The following MCTP2 variants were observed in gnomAD, a reference collection of about 807,000 sequenced individuals.
MCTP2 encodes the protein multiple C2 and transmembrane domain-containing protein 2.
A neutral mutation model predicts 111.6 loss-of-function variants in MCTP2; 132 were observed. That is an observed-to-expected ratio of 1.18 (90% CI 1.03 to 1.37). MCTP2 has a LOEUF of 1.37. Ranked by LOEUF, MCTP2 falls within the 40% of genes most tolerant of loss-of-function variation. MCTP2 has a pLI of 0.00. For synonymous variants in MCTP2, 395 were observed against 387.7 expected, an observed-to-expected ratio of 1.02 and a Z score of -0.22; for missense variants, 1,183 against 1,067.9, an observed-to-expected ratio of 1.11 and a Z score of -1.50.
intron 14 of MCTP2, among the ~76,000 whole-genome samples, chr15:94,386,241 T>C (rs2080467887): frequency 6.6e-6 from 1 of 152,204 alleles, no homozygotes; most frequent in Non-Finnish European, 1.5e-5. Flanking sequence ...ACATACTCTT[T>C]GAGAAGAGAG....
intron 20 of MCTP2, among the ~76,000 whole-genome samples, chr15:94,458,802 T>G (rs767086291): frequency 2.6e-5 from 4 of 152,244 alleles, no homozygotes; most frequent in African/African-American, 9.6e-5. Flanking sequence ...ATGGGACATA[T>G]GGTCTCTGTC....
At chr15:94,356,330 C>A in intron 9 of MCTP2, 29 bp downstream of exon 9, 1 of 1,498,258 alleles carries the variant, frequency 6.7e-7, no homozygotes, top group East Asian at 2.4e-5. Flanking sequence ...ATAAGGAGAA[C>A]AGTATCTTTA....
chr15:94,409,840 T>A (rs1231633413), intron 17 of MCTP2, among the ~76,000 whole-genome samples: 1 of 150,632 alleles, frequency 6.6e-6, no homozygotes, highest in African/African-American at 2.5e-5. Flanking sequence ...CTATCAACCC[T>A]CCTCCCCTAT....
At chr15:94,245,434 A>G (rs988681992) in intron 1 of MCTP2, among the ~76,000 whole-genome samples, 5 of 122,400 alleles carry the variant, frequency 4.1e-5, no homozygotes, top group Admixed American at 1.7e-4. Context: ...GTATATATTT[A>G]TATATACACA....
chr15:94,245,358 A>T (rs1384215787), intron 1 of MCTP2, among the ~76,000 whole-genome samples: 1 of 126,610 alleles, frequency 7.9e-6, no homozygotes, highest in African/African-American at 2.8e-5. Context: ...ATACATATGT[A>T]TATATATTTA....
intron 21 of MCTP2, 44 bp from the exon 22 acceptor site, chr15:94,476,651 GA>G (rs2074386521): frequency 1.1e-6 from 1 of 905,946 alleles, no homozygotes; most frequent in South Asian, 1.6e-5. Flanking sequence ...TAGATAGATA[GA>G]CAGACAGACA....
chr15:94,295,531 C>T (rs1260682101), intron 1 of MCTP2, among the ~76,000 whole-genome samples: 1 of 152,134 alleles, frequency 6.6e-6, no homozygotes, highest in Non-Finnish European at 1.5e-5. Context: ...CTTTATTTCA[C>T]ACATGTGCTG....
chr15:94,457,169 T>G (rs1231667804), intron 19 of MCTP2, among the ~76,000 whole-genome samples: 2 of 152,086 alleles, frequency 1.3e-5, no homozygotes. Context: ...ATACAATAGG[T>G]GTAATGACCC....
At chr15:94,415,191 C>G (rs535878716) in intron 17 of MCTP2, among the ~76,000 whole-genome samples, 1 of 152,146 alleles carries the variant, frequency 6.6e-6, no homozygotes, top group Non-Finnish European at 1.5e-5. Flanking sequence ...CACTCCCTCT[C>G]TAATTGCTCA....
chr15:94,467,762 C>T (rs909316274), intron 20 of MCTP2, among the ~76,000 whole-genome samples: 2 of 152,150 alleles, frequency 1.3e-5, no homozygotes, highest in African/African-American at 2.4e-5. Context: ...TGAACTGGAT[C>T]CCGTTGTGGA....
At chr15:94,303,623 C>T (rs978775718) in intron 2 of MCTP2, among the ~76,000 whole-genome samples, 2 of 152,168 alleles carry the variant, frequency 1.3e-5, no homozygotes, top group Admixed American at 6.5e-5. Flanking sequence ...ACGAGAACAG[C>T]ATGGGAAAGA....
intron 18 of MCTP2, among the ~76,000 whole-genome samples, chr15:94,441,061 A>C (rs2083755022): frequency 6.6e-6 from 1 of 152,162 alleles, no homozygotes. Flanking sequence ...TAAAACAAAA[A>C]TCTAAAGTCC....
intron 12 of MCTP2, among the ~76,000 whole-genome samples, chr15:94,371,913 A>T (rs1432703888): frequency 6.6e-6 from 1 of 152,194 alleles, no homozygotes; most frequent in Non-Finnish European, 1.5e-5. Flanking sequence ...TAACCTCCAT[A>T]AAGCCCCCAA....
At chr15:94,254,666 G>GCT (rs2072653103) in intron 1 of MCTP2, among the ~76,000 whole-genome samples, 3 of 152,176 alleles carry the variant, frequency 2.0e-5, no homozygotes, top group African/African-American at 7.2e-5. Flanking sequence ...GTGCAACTCA[G>GCT]CTATCTAACG....
rs542104906 is a variant in MCTP2, at chr15:94,482,190, T to G, written c.*3156T>G. The stretch of plus-strand genomic sequence containing the variant: ...AAAGCCAGACATTAAACAGATACTT[T>G]CAAGCAACAGCATGCCATGCTCAGA... On this transcript the variant is annotated 3_prime_UTR_variant, in exon 23 of 23. Coordinates refer to ENST00000357742, the MANE Select transcript of MCTP2 (RefSeq NM_001385001.1). 6 of 152,344 alleles carry G rather than the reference T, an allele frequency of 3.9e-5. No individual in the cohort carries two copies. In the East Asian group the frequency reaches 1.2e-3, roughly 29 times the overall value. 9.4% of individuals were successfully genotyped at this position (152,344 alleles called of 1,614,324 possible). A position where few individuals can be genotyped will look rare whatever the true frequency, so the allele number is the denominator to read the frequency against.
chr15:94,448,856 C>T (rs2084275386), intron 19 of MCTP2, among the ~76,000 whole-genome samples: 1 of 152,156 alleles, frequency 6.6e-6, no homozygotes. Flanking sequence ...TCCTGGCCAA[C>T]ATGGTGAAAC....
chr15:94,383,692 C>T (rs904959166), intron 12 of MCTP2, among the ~76,000 whole-genome samples: 6 of 152,148 alleles, frequency 3.9e-5, no homozygotes, highest in African/African-American at 7.2e-5. Context: ...GGGGAAACCG[C>T]CCCCATGATT....
At chr15:94,245,677 T>A (rs981661132) in intron 1 of MCTP2, among the ~76,000 whole-genome samples, 1 of 146,816 alleles carries the variant, frequency 6.8e-6, no homozygotes. Flanking sequence ...TATATACATA[T>A]GTATGTGTAT....
At chr15:94,245,827 C>T (rs910504058) in intron 1 of MCTP2, among the ~76,000 whole-genome samples, 3 of 150,080 alleles carry the variant, frequency 2.0e-5, no homozygotes, top group Admixed American at 1.3e-4. Flanking sequence ...TCTGATTGCT[C>T]CCCCCCCAGC....
Sources: gnomAD v4.1 joint callset for allele counts (sites outside exome capture counted in the v4.1 genomes callset) on GRCh38, gnomAD v4.1.1 for gene constraint, MANE v1.5 for transcripts, NCBI Gene and HGNC (gene_info 2026-07-23, HGNC 2026-07-21) for gene names.